ELAPOR2: variants seen among roughly 807,000 people sequenced by gnomAD.
The protein encoded by ELAPOR2 is endosome/lysosome-associated apoptosis and autophagy regulator family member 2.
ELAPOR2 carries 89 observed loss-of-function variants against 120.7 expected under a neutral mutation model. The ratio of observed to expected loss-of-function variants is 0.74; its 90% CI spans 0.62 to 0.88. The LOEUF (loss-of-function observed/expected upper bound fraction) is 0.88, where lower values mean the gene tolerates loss of function less well. Ranked by LOEUF, ELAPOR2 falls within the 40% of genes least tolerant of loss-of-function variation. The pLI is 0.00. For missense variants in ELAPOR2, 1,134 were observed against 1,251.6 expected (o/e 0.91, Z 1.42); for synonymous variants, 444 against 444.9 (o/e 1.00, Z 0.03).
intron 1 of ELAPOR2, among the ~76,000 whole-genome samples, chr7:87,009,985 C>CGAAA (rs72243720): frequency 4.0e-5 from 6 of 151,392 alleles, no homozygotes; most frequent in East Asian, 1.9e-4. Flanking sequence ...AAACTCATTA[C>CGAAA]GAAAGAAAGA....
chr7:86,954,771 T>C (rs1791403187), intron 2 of ELAPOR2, among the ~76,000 whole-genome samples: 1 of 152,132 alleles, frequency 6.6e-6, no homozygotes. Flanking sequence ...AAATATAAAG[T>C]AAATCAATTC....
intron 1 of ELAPOR2, among the ~76,000 whole-genome samples, chr7:87,002,574 A>G (rs1793352552): frequency 6.6e-6 from 1 of 152,026 alleles, no homozygotes; most frequent in Non-Finnish European, 1.5e-5. Context: ...AGATTCTGAG[A>G]GGGGAATTTC....
In ELAPOR2 at chr7:86,942,056, C is replaced by T. The variant is rs1169061554; in HGVS notation, c.703G>A (p.Val235Ile). The change falls in exon 5 of 22, where the codon GTA becomes ATA. Residue 235 changes from valine to isoleucine, a missense_variant. Transcript: ENST00000450689. ...CATTCTCCATTGTCTGTAAGTTTTA[C>T]CCACTTGTCAGTGGTGGTGTCCATC... ...QEMDTTTDKW[V>I]KLTDNGEWGS... The T allele has an allele frequency of 1.3e-6, 2 of 1,549,344 alleles. No individual in the cohort carries two copies. The highest frequency in any genetic ancestry group is 8.7e-7 in the Non-Finnish European group (1 of 1,145,094).
At chr7:87,057,899 T>C (rs1199525365) in intron 1 of ELAPOR2, among the ~76,000 whole-genome samples, 1 of 152,208 alleles carries the variant, frequency 6.6e-6, no homozygotes, top group African/African-American at 2.4e-5. Flanking sequence ...GGCTGGAGGA[T>C]AAAGTTTATC....
chr7:87,003,938 G>A (rs978157743), intron 1 of ELAPOR2, among the ~76,000 whole-genome samples: 1 of 152,102 alleles, frequency 6.6e-6, no homozygotes, highest in Non-Finnish European at 1.5e-5. Context: ...TAAGCACTTC[G>A]CTTAGCTGCT....
At chr7:87,033,642 T>C (rs1794487331) in intron 1 of ELAPOR2, among the ~76,000 whole-genome samples, 1 of 151,306 alleles carries the variant, frequency 6.6e-6, no homozygotes, top group South Asian at 2.1e-4. Context: ...CTTAAGAGAA[T>C]CCAAAAAAAA....
At chr7:87,027,277 T>C (rs182402084) in intron 1 of ELAPOR2, among the ~76,000 whole-genome samples, 1 of 152,262 alleles carries the variant, frequency 6.6e-6, no homozygotes, top group Admixed American at 6.5e-5. Flanking sequence ...TCTGACATCA[T>C]ATTCATTATA....
At chr7:86,998,278 T>C (rs1204834701) in intron 1 of ELAPOR2, among the ~76,000 whole-genome samples, 2 of 152,198 alleles carry the variant, frequency 1.3e-5, no homozygotes, top group Admixed American at 1.3e-4. Context: ...AATTTGCACA[T>C]ACCCTTCCTT....
intron 1 of ELAPOR2, among the ~76,000 whole-genome samples, chr7:86,990,847 G>A (rs192404784): frequency 2.2e-4 from 33 of 152,220 alleles, no homozygotes; most frequent in African/African-American, 7.5e-4. Context: ...GAAGCAATAC[G>A]CTCTCCAACT....
intron 20 of ELAPOR2, among the ~76,000 whole-genome samples, chr7:86,892,508 C>A (rs1329653763): frequency 6.6e-6 from 1 of 151,994 alleles, no homozygotes; most frequent in Non-Finnish European, 1.5e-5. Flanking sequence ...TGCCTATACA[C>A]TAGGTCTGGT....
chr7:87,024,700 T>C lies in ELAPOR2; in HGVS notation c.189+34625A>G, dbSNP rs200096417. Among the ~76,000 whole-genome samples, 13 of 152,120 alleles carry C rather than the reference T, an allele frequency of 8.5e-5. 1 individual carries two copies. The East Asian group carries it at 2.5e-3, about 29-fold the overall frequency. On this transcript the variant is annotated intron_variant, in intron 1 of 21. Transcript: ENST00000450689. The stretch of plus-strand genomic sequence containing the variant: ...CTGTGAATCCATCTGGTCCTGGACT[T>C]TTTTTGGTTGGTAAGCTATAATTAT...
intron 1 of ELAPOR2, among the ~76,000 whole-genome samples, chr7:87,009,890 AC>A (rs1194906525): frequency 1.3e-5 from 2 of 152,182 alleles, no homozygotes; most frequent in African/African-American, 4.8e-5. Context: ...TCTCCAGTAA[AC>A]CTAAAAAAGC....
intron 19 of ELAPOR2, 68 bp downstream of exon 19, chr7:86,897,438 T>G (rs1045420018): frequency 1.3e-6 from 2 of 1,547,104 alleles, no homozygotes; most frequent in African/African-American, 1.4e-5. Context: ...GGACCTGAGT[T>G]TCTATGATTT....
At position 86,926,864 on chromosome 7, in the gene ELAPOR2, G is replaced by A; in HGVS notation, c.1142C>T (p.Thr381Ile). 6.5e-7 allele frequency: 1 copy of A among 1,545,738 alleles called. No individual in the cohort carries two copies. Among genetic ancestry groups the A allele is most frequent in the Non-Finnish European group, 8.8e-7 (1 of 1,141,628 alleles). Residue 381 changes from threonine (T) to isoleucine (I), a missense_variant, in exon 9 of 22, where the codon ACA (threonine) becomes ATA (isoleucine). Physicochemically the swap from Thr to Ile is moderately conservative, Grantham distance 89. This residue lies in a region of ELAPOR2 where 831 missense variants were observed against 867.6 expected (regional missense o/e 0.96). Coordinates refer to ENST00000450689, the MANE Select transcript of ELAPOR2 (RefSeq NM_001142749.3). ...AGAAGGGGGCAATCTAATAGCATCT[G>A]TGAGATCCTCCCGGCAGATTTTGGG... ...IEPKICREDLTDAIRLPPSGE... is the reference protein window; with the variant it reads ...IEPKICREDLIDAIRLPPSGE...
chr7:86,983,123 G>A (rs1314982559), intron 1 of ELAPOR2, among the ~76,000 whole-genome samples: 1 of 152,170 alleles, frequency 6.6e-6, no homozygotes, highest in Admixed American at 6.5e-5. Context: ...AGAGCAAGAA[G>A]AGAAGTTTAG....
chr7:87,012,275 T>G (rs1793714008), intron 1 of ELAPOR2, among the ~76,000 whole-genome samples: 1 of 152,156 alleles, frequency 6.6e-6, no homozygotes, highest in South Asian at 2.1e-4. Context: ...CTGGGCATGG[T>G]GGCGCATGCC....
rs752737169 is a variant in ELAPOR2 at position 86,897,594 on chromosome 7, T to C, written c.2597A>G (p.Tyr866Cys). ...PAGTCDGCTF[Y>C]FLWESAEACP... ...AGCTTCAGCACTCTCCCACAGGAAATAGAACGTACACCCATCACAGGTACC... is the reference window on the plus strand; with the variant it reads ...AGCTTCAGCACTCTCCCACAGGAAACAGAACGTACACCCATCACAGGTACC... Residue 866 changes from tyrosine (Y) to cysteine (C), a missense_variant, in exon 19 of 22, where the codon TAT becomes TGT. By Grantham distance (194) the Tyr-to-Cys change is radical. Transcript: ENST00000450689. The C allele has an allele frequency of 3.7e-6, 6 of 1,613,168 alleles. No homozygotes were observed. Among genetic ancestry groups the C allele is most frequent in the Admixed American group, 3.3e-5 (2 of 59,932 alleles).
At chr7:87,014,310 C>A (rs1468001403) in intron 1 of ELAPOR2, among the ~76,000 whole-genome samples, 1 of 151,942 alleles carries the variant, frequency 6.6e-6, no homozygotes, top group Non-Finnish European at 1.5e-5. Flanking sequence ...TTTTCTAGGA[C>A]CAATTGTTCA....
intron 1 of ELAPOR2, among the ~76,000 whole-genome samples, chr7:86,993,234 C>CAAAAAAAAAAAAAAAAAAAAAAAA (rs1159917841): frequency 3.5e-5 from 2 of 57,146 alleles, no homozygotes; most frequent in East Asian, 5.6e-4. Flanking sequence ...GACTCCATCT[C>CAAAAAAAAAAAAAAAAAAAAAAAA]AAAAAAAAAA....
Sources: allele counts gnomAD v4.1 joint callset (sites outside exome capture counted in the v4.1 genomes callset), GRCh38; gene constraint gnomAD v4.1.1; regional missense constraint gnomAD v4.1.1; transcripts MANE v1.5; gene names NCBI Gene and HGNC (gene_info 2026-07-23, HGNC 2026-07-21).